The following ACTR2 variants were observed in gnomAD, a reference collection of about 807,000 sequenced individuals.
ACTR2 encodes actin related protein 2, also known as actin-related protein 2.
Under a neutral mutation model 50.2 loss-of-function variants are expected in ACTR2, and 5 were observed. The observed-to-expected ratio is 0.10, with a 90% CI of 0.05 to 0.21. ACTR2 has a LOEUF of 0.21. Ranked by LOEUF, ACTR2 falls within the 10% of genes least tolerant of loss-of-function variation. The probability of loss-of-function intolerance (pLI) is 1.00; values close to 1 mark genes in which losing one functional copy is unlikely to be tolerated. For synonymous variants in ACTR2, 140 were observed against 162.9 expected, an observed-to-expected ratio of 0.86 and a Z score of 1.07; for missense variants, 180 against 480.6, an observed-to-expected ratio of 0.37 and a Z score of 5.85.
At position 65,239,785 on chromosome 2, in the gene ACTR2, GATGCTGTCTTAAAAT is replaced by G. The variant is rs1172525391; in HGVS notation, c.49-64_49-50del. On this transcript the variant is annotated intron_variant, in intron 1 of 8. Coordinates refer to ENST00000260641, the MANE Select transcript of ACTR2 (RefSeq NM_005722.4). ...TATAAATGCAAAGTGATATTTTTCA[GATGCTGTCTTAAAAT>G]ATAGTAAATATCCTGATGCTAACCC... 5 of 990,054 alleles carry G rather than the reference GATGCTGTCTTAAAAT, an allele frequency of 5.1e-6. No individual in the cohort carries two copies. In the African/African-American group the frequency reaches 8.1e-5, roughly 16 times the overall value. 61.3% of individuals were successfully genotyped at this position (990,054 alleles called of 1,614,324 possible). A position where few individuals can be genotyped will look rare whatever the true frequency, so the allele number is the denominator to read the frequency against.
At chr2:65,258,575 C>T (rs1301827996) in intron 6 of ACTR2, among the ~76,000 whole-genome samples, 3 of 151,730 alleles carry the variant, frequency 2.0e-5, no homozygotes, top group South Asian at 2.1e-4. Context: ...GGTGAAGGAG[C>T]GAGACCCTGT....
At chr2:65,262,917 G>GC (rs1243040270) in intron 7 of ACTR2, among the ~76,000 whole-genome samples, 3 of 151,764 alleles carry the variant, frequency 2.0e-5, no homozygotes, top group Non-Finnish European at 4.4e-5. Context: ...AGTGAGCCAT[G>GC]ATTGTGTCAC....
rs770536961 is a variant in ACTR2 at position 65,239,323 on chromosome 2, G to A, written c.49-529G>A. 2.6e-5 allele frequency among the ~76,000 whole-genome samples: 4 copies of A among 152,020 alleles called. No homozygotes were observed. In the East Asian group the frequency reaches 5.8e-4, roughly 22 times the overall value. On this transcript the variant is annotated intron_variant, in intron 1 of 8. Coordinates refer to ENST00000260641, the MANE Select transcript of ACTR2 (RefSeq NM_005722.4). ...TACAAAATTAGCTGGGCTTAGTGGC[G>A]CATGCCTGTAATCCCAGCTACTTGG...
chr2:65,267,753 A>G (rs886167765), intron 8 of ACTR2, among the ~76,000 whole-genome samples: 128 of 151,516 alleles, frequency 8.4e-4, no homozygotes, highest in African/African-American at 2.9e-3. Flanking sequence ...TTTGATTTTG[A>G]GACAATAGAA....
At chr2:65,232,288 C>T (rs1258916495) in intron 1 of ACTR2, among the ~76,000 whole-genome samples, 2 of 152,168 alleles carry the variant, frequency 1.3e-5, no homozygotes, top group East Asian at 1.9e-4. Flanking sequence ...TTCTCCAGTG[C>T]GTGCTATGTT....
At chr2:65,248,190 A>C (rs1004343570) in intron 3 of ACTR2, among the ~76,000 whole-genome samples, 2 of 152,098 alleles carry the variant, frequency 1.3e-5, no homozygotes, top group African/African-American at 4.8e-5. Flanking sequence ...TCACGAGGTC[A>C]AGAGTTCGAG....
At chr2:65,229,772 GAAAA>G (rs895450715) in intron 1 of ACTR2, among the ~76,000 whole-genome samples, 2 of 136,384 alleles carry the variant, frequency 1.5e-5, no homozygotes, top group East Asian at 2.1e-4. Context: ...AAAAAAAAAA[GAAAA>G]ACAAAACATA....
chr2:65,233,406 G>A (rs1458602874), intron 1 of ACTR2, among the ~76,000 whole-genome samples: 1 of 151,834 alleles, frequency 6.6e-6, no homozygotes, highest in African/African-American at 2.4e-5. Context: ...TATAATCCCA[G>A]CACTTTGGGA....
chr2:65,251,110 C>T lies in ACTR2; in HGVS notation c.448+11C>T, dbSNP rs766860282. 2 of 1,574,320 alleles carry T rather than the reference C, an allele frequency of 1.3e-6. No individual in the cohort carries two copies. Among genetic ancestry groups the T allele is most frequent in the East Asian group, 4.6e-5 (2 of 43,754 alleles). On this transcript the variant is annotated intron_variant, in intron 4 of 8. Coordinates refer to ENST00000260641, the MANE Select transcript of ACTR2 (RefSeq NM_005722.4). ...CTTTGTACGCTCAAGGTAGGTTAAG[C>T]TTAACTGTTAGAAAAAACACTTCAT... is the stretch of plus-strand genomic sequence containing the variant.
At chr2:65,258,187 G>C (rs1672188052) in intron 6 of ACTR2, among the ~76,000 whole-genome samples, 1 of 152,094 alleles carries the variant, frequency 6.6e-6, no homozygotes, top group African/African-American at 2.4e-5. Flanking sequence ...GAAAGTGGCT[G>C]GCACAGGGCA....
intron 2 of ACTR2, among the ~76,000 whole-genome samples, chr2:65,245,993 CTATT>C (rs2103996494): frequency 2.4e-5 from 1 of 41,450 alleles, no homozygotes; most frequent in South Asian, 4.8e-4. Context: ...GAAGTTTGTG[CTATT>C]TATTAGTTGG....
At chr2:65,264,104 C>T (rs1357155298) in intron 7 of ACTR2, among the ~76,000 whole-genome samples, 3 of 152,080 alleles carry the variant, frequency 2.0e-5, no homozygotes, top group Admixed American at 1.3e-4. Context: ...AGAGCTTCGA[C>T]GTACCTAAAG....
intron 1 of ACTR2, among the ~76,000 whole-genome samples, chr2:65,236,601 A>G (rs1415264594): frequency 6.6e-6 from 1 of 150,832 alleles, no homozygotes; most frequent in East Asian, 1.9e-4. Flanking sequence ...GTTTTTTTTG[A>G]GACAGGTCTC....
intron 8 of ACTR2, among the ~76,000 whole-genome samples, chr2:65,267,597 T>G (rs924029512): frequency 1.5e-4 from 23 of 152,236 alleles, no homozygotes; most frequent in African/African-American, 5.5e-4. Context: ...GATAAGGATG[T>G]GTCCTTCCTA....
At chr2:65,264,059 A>G (rs1672327843) in intron 7 of ACTR2, among the ~76,000 whole-genome samples, 1 of 152,190 alleles carries the variant, frequency 6.6e-6, no homozygotes, top group African/African-American at 2.4e-5. Context: ...TGTATTAAAA[A>G]ATAAAAAAAG....
intron 7 of ACTR2, among the ~76,000 whole-genome samples, chr2:65,262,234 GTTGT>G (rs992535537): frequency 2.0e-5 from 3 of 151,936 alleles, no homozygotes; most frequent in African/African-American, 7.2e-5. Flanking sequence ...TTCTTTTGTT[GTTGT>G]TTGTTTTTTG....
intron 4 of ACTR2, among the ~76,000 whole-genome samples, chr2:65,251,595 A>G (rs1234856330): frequency 6.6e-6 from 1 of 152,152 alleles, no homozygotes; most frequent in Non-Finnish European, 1.5e-5. Context: ...TCCTGACCTC[A>G]GGTAGTCCGC....
chr2:65,258,965 C>T (rs1053541194), intron 6 of ACTR2, among the ~76,000 whole-genome samples: 1 of 151,748 alleles, frequency 6.6e-6, no homozygotes, highest in Non-Finnish European at 1.5e-5. Flanking sequence ...GTTTTGGTAA[C>T]CTTTTTTTTT....
At chr2:65,248,785 G>A (rs1242634447) in intron 3 of ACTR2, among the ~76,000 whole-genome samples, 3 of 152,118 alleles carry the variant, frequency 2.0e-5, no homozygotes, top group Non-Finnish European at 4.4e-5. Flanking sequence ...AGGCCAAGGC[G>A]GGTGGATCAC....
Sources: allele counts gnomAD v4.1 joint callset (sites outside exome capture counted in the v4.1 genomes callset), GRCh38; gene constraint gnomAD v4.1.1; transcripts MANE v1.5; gene names NCBI Gene and HGNC (gene_info 2026-07-23, HGNC 2026-07-21).